TRIO: variants seen among roughly 807,000 people sequenced by gnomAD.
TRIO encodes trio Rho guanine nucleotide exchange factor.
A neutral mutation model predicts 351.9 loss-of-function variants in TRIO; 58 were observed. The ratio of observed to expected loss-of-function variants is 0.16; its 90% CI spans 0.13 to 0.21. The LOEUF (loss-of-function observed/expected upper bound fraction) is 0.21. Among genes scored for constraint, TRIO ranks in the 10% least tolerant of loss-of-function variants. TRIO has a pLI of 1.00. For synonymous variants in TRIO, 1,758 were observed against 1,595.7 expected (o/e 1.10, Z -2.42); for missense variants, 3,201 against 4,027.8 (o/e 0.79, Z 5.56).
intron 1 of TRIO, among the ~76,000 whole-genome samples, chr5:14,258,197 C>T (rs967664268): frequency 1.3e-5 from 2 of 152,220 alleles, no homozygotes; most frequent in Non-Finnish European, 1.5e-5. Context: ...GTCCCCACAG[C>T]GAGCGTGCTC....
At chr5:14,184,363 T>C (rs1432419460) in intron 1 of TRIO, among the ~76,000 whole-genome samples, 2 of 152,252 alleles carry the variant, frequency 1.3e-5, no homozygotes, top group Non-Finnish European at 2.9e-5. Flanking sequence ...CCATGGCCTC[T>C]GTACAGCCAT....
chr5:14,180,707 G>A lies in TRIO; in HGVS notation c.157+36825G>A, dbSNP rs192933269. Among the ~76,000 whole-genome samples the A allele has an allele frequency of 1.5e-3, 235 of 152,264 alleles. 1 individual carries two copies. The highest frequency in any genetic ancestry group is 0.014 in the Middle Eastern group (4 of 294). On this transcript the variant is annotated intron_variant, in intron 1 of 56. Transcript: ENST00000344204. ...AAGCTGGGTGTGGTGGCACGCAGTT[G>A]CAGTCCTAGCTACTCAGGAGGCTGA...
At chr5:14,229,335 G>T (rs1793255783) in intron 1 of TRIO, among the ~76,000 whole-genome samples, 1 of 152,258 alleles carries the variant, frequency 6.6e-6, no homozygotes, top group Admixed American at 6.5e-5. Flanking sequence ...GTACACATAA[G>T]ATGGCATGGC....
chr5:14,208,835 A>G (rs115454752), intron 1 of TRIO, among the ~76,000 whole-genome samples: 267 of 152,310 alleles, frequency 1.8e-3, no homozygotes, highest in African/African-American at 6.2e-3. Context: ...AGTGTTACCT[A>G]CCTGAAGTGG....
Position 14,481,522 on chromosome 5 carries a change from T to C in TRIO, c.6388-19T>C, listed in dbSNP as rs750706765. The C allele has an allele frequency of 6.2e-7, 1 of 1,613,620 alleles. No individual in the cohort carries two copies. The highest frequency in any genetic ancestry group is 1.3e-5 in the African/African-American group (1 of 74,856). On this transcript the variant is annotated intron_variant, in intron 44 of 56. Coordinates refer to ENST00000344204, the MANE Select transcript of TRIO (RefSeq NM_007118.4). ...CTAGAGGAACTTGAGCTTTCACTCT[T>C]CTCTCTCCCCTCCCACAGAGAGCTG...
intron 13 of TRIO, among the ~76,000 whole-genome samples, chr5:14,362,929 C>G (rs559915304): frequency 1.3e-5 from 2 of 151,166 alleles, no homozygotes; most frequent in South Asian, 4.2e-4. Context: ...AAGAGGAATT[C>G]TTCATTATGA....
chr5:14,373,909 G>C (rs1315367133), intron 18 of TRIO, among the ~76,000 whole-genome samples: 2 of 152,224 alleles, frequency 1.3e-5, no homozygotes, highest in Admixed American at 1.3e-4. Context: ...GTCAGGCCAG[G>C]TGTGCAAACC....
chr5:14,439,687 G>A (rs1161863469), intron 34 of TRIO, among the ~76,000 whole-genome samples: 1 of 152,156 alleles, frequency 6.6e-6, no homozygotes, highest in African/African-American at 2.4e-5. Context: ...GCAGAACTCT[G>A]CCTCTCGCTG....
chr5:14,403,376 G>A (rs573720477), intron 31 of TRIO, among the ~76,000 whole-genome samples: 1 of 96,220 alleles, frequency 1.0e-5, no homozygotes, highest in Non-Finnish European at 2.0e-5. Flanking sequence ...TGTGGTGAGG[G>A]TGTAGGTTGT....
intron 1 of TRIO, among the ~76,000 whole-genome samples, chr5:14,236,403 ATCTT>A (rs1040541893): frequency 9.8e-5 from 15 of 152,338 alleles, no homozygotes; most frequent in Admixed American, 8.5e-4. Flanking sequence ...TTAAATAACT[ATCTT>A]TCTTCTCAGT....
chr5:14,250,152 T>C (rs979493772), intron 1 of TRIO, among the ~76,000 whole-genome samples: 12 of 152,212 alleles, frequency 7.9e-5, no homozygotes, highest in African/African-American at 2.9e-4. Context: ...TGAGGTGCTT[T>C]AGCCAGTGAG....
At chr5:14,285,255 G>A (rs995963469) in intron 3 of TRIO, among the ~76,000 whole-genome samples, 2 of 152,064 alleles carry the variant, frequency 1.3e-5, no homozygotes, top group South Asian at 4.1e-4. Context: ...TCATCACATC[G>A]TTCCTAATCA....
In TRIO at chr5:14,323,793, G is replaced by A. The variant is rs1015572220; in HGVS notation, c.1732-6985G>A. Among the ~76,000 whole-genome samples the A allele has an allele frequency of 3.9e-5, 6 of 152,220 alleles. No individual in the cohort carries two copies. The South Asian group carries it at 6.2e-4, about 16-fold the overall frequency. On this transcript the variant is annotated intron_variant, in intron 9 of 56. Transcript: ENST00000344204. ...CTAGACTAACACAGGATGAGTATATGAATTCCAGTAAACTCAGAAGGATTC... is the reference window on the plus strand; with the variant it reads ...CTAGACTAACACAGGATGAGTATATAAATTCCAGTAAACTCAGAAGGATTC...
intron 10 of TRIO, among the ~76,000 whole-genome samples, 178 bp downstream of exon 10, chr5:14,331,078 G>T (rs1475549754): frequency 6.6e-6 from 1 of 152,226 alleles, no homozygotes; most frequent in Non-Finnish European, 1.5e-5. Flanking sequence ...AACATGATTT[G>T]GTAAGTTGAC....
chr5:14,146,902 C>G (rs866890483), intron 1 of TRIO, among the ~76,000 whole-genome samples: 1 of 152,212 alleles, frequency 6.6e-6, no homozygotes, highest in Admixed American at 6.5e-5. Flanking sequence ...TCATTCCGTT[C>G]TCTGCTCAGG....
intron 9 of TRIO, among the ~76,000 whole-genome samples, chr5:14,320,170 G>A (rs1453320211): frequency 2.0e-5 from 3 of 152,134 alleles, no homozygotes; most frequent in Non-Finnish European, 2.9e-5. Flanking sequence ...GTAACTCTCA[G>A]CGAAGGTTTG....
chr5:14,463,115 A>T (rs1238793932), intron 36 of TRIO, among the ~76,000 whole-genome samples, 190 bp downstream of exon 36: 1 of 152,274 alleles, frequency 6.6e-6, no homozygotes, highest in Non-Finnish European at 1.5e-5. Flanking sequence ...AGCCATTTAG[A>T]ATAGCAGTAG....
At chr5:14,465,430 T>G (rs1293097254) in intron 36 of TRIO, 115 bp from the exon 37 acceptor site, 5 of 976,864 alleles carry the variant, frequency 5.1e-6, no homozygotes, top group Middle Eastern at 2.8e-4. Flanking sequence ...ACTTGTGGTC[T>G]TTTTGTCTGG....
intron 55 of TRIO, among the ~76,000 whole-genome samples, chr5:14,506,731 G>A (rs781083601): frequency 1.3e-5 from 2 of 151,782 alleles, no homozygotes; most frequent in Non-Finnish European, 2.9e-5. Context: ...GTCTTCCCGT[G>A]GCCCATTCTA....
Sources: allele counts gnomAD v4.1 joint callset (sites outside exome capture counted in the v4.1 genomes callset), GRCh38; gene constraint gnomAD v4.1.1; transcripts MANE v1.5; gene names NCBI Gene and HGNC (gene_info 2026-07-23, HGNC 2026-07-21).